HARBI1: variants seen among roughly 807,000 people sequenced by gnomAD.
The protein encoded by HARBI1 is putative nuclease HARBI1.
A neutral mutation model predicts 25.3 loss-of-function variants in HARBI1; 15 were observed. That is an observed-to-expected ratio of 0.59 (90% CI 0.40 to 0.91). The LOEUF is 0.91. HARBI1 is among the 40% of genes least tolerant of loss of function. The pLI is 0.00. For missense variants in HARBI1, 396 were observed against 445.8 expected, an observed-to-expected ratio of 0.89 and a Z score of 1.01; for synonymous variants, 168 against 160.5, an observed-to-expected ratio of 1.05 and a Z score of -0.35.
chr11:46,613,231 C>G (rs908664283), intron 2 of HARBI1, among the ~76,000 whole-genome samples: 4 of 151,894 alleles, frequency 2.6e-5, no homozygotes, highest in African/African-American at 9.7e-5. Flanking sequence ...GGTGATCCAC[C>G]GCCTTGGTCT....
At position 46,608,613 on chromosome 11, in the gene HARBI1, T is replaced by TA. The variant is rs869222318; in HGVS notation, c.671-4705dup. Among the ~76,000 whole-genome samples the TA allele has an allele frequency of 3.4e-3, 514 of 149,984 alleles. 4 individuals carry two copies. Among genetic ancestry groups the TA allele is most frequent in the Non-Finnish European group, 6.2e-3 (417 of 67,456 alleles). Reference sequence around the variant, plus strand: ...GGCACACGCCACCATGCCTGGCAATTAAAAAAAAAATTTTTTTTTTTTTTT... The same window carrying TA: ...GGCACACGCCACCATGCCTGGCAATTAAAAAAAAAAATTTTTTTTTTTTTTT... On this transcript the variant is annotated intron_variant, in intron 2 of 2. Transcript: ENST00000326737.
chr11:46,616,768 T>G, intron 1 of HARBI1: 7 of 970,856 alleles, frequency 7.2e-6, no homozygotes, highest in Non-Finnish European at 8.4e-6. Flanking sequence ...ACTTCTGGTT[T>G]CACCTGACAA....
chr11:46,606,172 C>T (rs555019583), intron 2 of HARBI1, among the ~76,000 whole-genome samples: 5 of 152,210 alleles, frequency 3.3e-5, no homozygotes, highest in African/African-American at 2.4e-5. Flanking sequence ...AGGCGTGAGA[C>T]ACCACGCCCG....
Position 46,604,047 on chromosome 11 carries a change from C to T in HARBI1, c.671-138G>A, listed in dbSNP as rs147178520. The T allele has an allele frequency of 9.3e-6, 13 of 1,399,244 alleles. No individual in the cohort carries two copies. In the African/African-American group the frequency reaches 1.2e-4, roughly 13 times the overall value. The allele number at this position is 1,399,244 out of a possible 1,614,324, so 86.7% of individuals were successfully genotyped here. On this transcript the variant is annotated intron_variant, in intron 2 of 2. Coordinates refer to ENST00000326737, the MANE Select transcript of HARBI1 (RefSeq NM_173811.4). ...GCCAAAGCACACTAGAAAAACCAAG[C>T]GGAAAATGCTATGGTAAAAAGAAAT... is the stretch of plus-strand genomic sequence containing the variant.
Position 46,615,589 on chromosome 11 carries a change from G to A in HARBI1, c.649C>T (p.His217Tyr). ...TTACCCAGAAGCCAGCTATCTTTGT[G>A]CATACCCGCTTCAAACTGACTACTG... The part of the protein sequence containing the change: ...SLSSQFEAGM[H>Y]KDSWLLGDSS... Residue 217 changes from histidine to tyrosine, a missense_variant, in exon 2 of 3, where the codon CAC becomes TAC. His to Tyr is a moderately conservative substitution (Grantham distance 83). Transcript: ENST00000326737. 1 of 1,614,016 alleles carries A rather than the reference G, an allele frequency of 6.2e-7. No individual in the cohort carries two copies. Among genetic ancestry groups the A allele is most frequent in the Non-Finnish European group, 8.5e-7 (1 of 1,179,930 alleles).
Position 46,615,862 on chromosome 11 carries a change from C to T in HARBI1, c.376G>A (p.Ala126Thr). The change falls in exon 2 of 3, where the codon GCC (alanine) becomes ACC (threonine). Residue 126 changes from alanine to threonine, a missense_variant. Ala to Thr is a moderately conservative substitution (Grantham distance 58). Transcript: ENST00000326737. Reference sequence around the variant, plus strand: ...TCATCCTTCAGAGCCTGAATGGAGGCTTCATCAGCTGGAAAGCGAATGAAC... The same window carrying T: ...TCATCCTTCAGAGCCTGAATGGAGGTTTCATCAGCTGGAAAGCGAATGAAC... Reference protein sequence around the residue: ...SQFIRFPADEASIQALKDEFY... With the variant: ...SQFIRFPADETSIQALKDEFY... 6.2e-7 allele frequency: 1 copy of T among 1,614,214 alleles called. No homozygotes were observed. Among genetic ancestry groups the T allele is most frequent in the East Asian group, 2.2e-5 (1 of 44,886 alleles).
In HARBI1 at chr11:46,617,188, C is replaced by T. The variant is rs912060485; in HGVS notation, c.-209G>A. 1.6e-5 allele frequency: 3 copies of T among 185,402 alleles called. No homozygotes were observed. Among genetic ancestry groups the T allele is most frequent in the Non-Finnish European group, 3.0e-5 (3 of 98,454 alleles). 11.5% of individuals were successfully genotyped at this position (185,402 alleles called of 1,614,324 possible). Reference sequence around the variant, plus strand: ...CACCCAGCCGGGTTGGGCCCTCCTCCGGAACCGGCGACTGCACAGAGGCCG... The same window carrying T: ...CACCCAGCCGGGTTGGGCCCTCCTCTGGAACCGGCGACTGCACAGAGGCCG... On this transcript the variant is annotated 5_prime_UTR_variant, in exon 1 of 3. Transcript: ENST00000326737.
At chr11:46,616,688 G>T in intron 1 of HARBI1, 9 of 994,908 alleles carry the variant, frequency 9.0e-6, no homozygotes, top group Non-Finnish European at 1.1e-5. Flanking sequence ...AACTATATAG[G>T]CCAAGAAGCA....
chr11:46,608,070 G>T (rs2045025053), intron 2 of HARBI1, among the ~76,000 whole-genome samples: 1 of 152,108 alleles, frequency 6.6e-6, no homozygotes, highest in Admixed American at 6.6e-5. Flanking sequence ...AGGCCACAGT[G>T]GGTGGATCAC....
At position 46,616,109 on chromosome 11, in the gene HARBI1, C is replaced by T; in HGVS notation, c.129G>A (p.Arg43=). 1 of 1,614,170 alleles carries T rather than the reference C, an allele frequency of 6.2e-7. No individual in the cohort carries two copies. The highest frequency in any genetic ancestry group is 1.3e-5 in the African/African-American group (1 of 75,042). Residue 43 remains arginine, a synonymous_variant, in exon 2 of 3, where the codon CGG becomes CGA. Coordinates refer to ENST00000326737, the MANE Select transcript of HARBI1 (RefSeq NM_173811.4). ...GCTCCACCAAGTAATAAATGAACTG[C>T]CGTGGAAACCCATACATGGACATCA... The part of the protein sequence containing the change: ...EYLMSMYGFP[R]QFIYYLVELL...
Position 46,603,507 on chromosome 11 carries a change from A to AT in HARBI1, c.*22dup. On this transcript the variant is annotated 3_prime_UTR_variant, in exon 3 of 3. Transcript: ENST00000326737. ...AAGTCTGTCACAACTCCTGGGAAGT[A>AT]TCCCTCCTCTCCACCTTCTACATTA... The AT allele has an allele frequency of 6.5e-7, 1 of 1,549,318 alleles. No homozygotes were observed. Among genetic ancestry groups the AT allele is most frequent in the African/African-American group, 1.4e-5 (1 of 73,446 alleles).
rs768871024 is a variant in HARBI1, at chr11:46,603,525, C to G, written c.*5G>C. The G allele has an allele frequency of 6.4e-7, 1 of 1,572,930 alleles. No individual in the cohort carries two copies. ...GGGAAGTATCCCTCCTCTCCACCTTCTACATTAGCTAAAATGAGTGAGCAT... is the reference window on the plus strand; with the variant it reads ...GGGAAGTATCCCTCCTCTCCACCTTGTACATTAGCTAAAATGAGTGAGCAT... On this transcript the variant is annotated 3_prime_UTR_variant, in exon 3 of 3. Coordinates refer to ENST00000326737, the MANE Select transcript of HARBI1 (RefSeq NM_173811.4).
At chr11:46,604,021 C>T (rs532071891) in intron 2 of HARBI1, 112 bp from the exon 3 acceptor site, 19 of 1,429,802 alleles carry the variant, frequency 1.3e-5, no homozygotes, top group South Asian at 6.2e-5. Flanking sequence ...CAGCCTCTGG[C>T]GCCAAAGCAC....
At chr11:46,606,593 C>CCCAG (rs2044963703) in intron 2 of HARBI1, among the ~76,000 whole-genome samples, 1 of 152,148 alleles carries the variant, frequency 6.6e-6, no homozygotes, top group Non-Finnish European at 1.5e-5. Flanking sequence ...GGATTACAAT[C>CCCAG]GTGAGCCACC....
At chr11:46,611,259 G>A (rs112282219) in intron 2 of HARBI1, among the ~76,000 whole-genome samples, 4,006 of 151,986 alleles carry the variant, frequency 0.026, 81 homozygotes, top group Non-Finnish European at 0.041. Flanking sequence ...CGCCCACCTC[G>A]GCCTCCCAAA....
intron 1 of HARBI1, chr11:46,616,831 CAA>C (rs749013239): frequency 0.023 from 13,755 of 602,406 alleles, 2 homozygotes; most frequent in African/African-American, 0.035. Context: ...AAAGAAGGGG[CAA>C]AAAAAAAAAA....
At position 46,615,780 on chromosome 11, in the gene HARBI1, A is replaced by G; in HGVS notation, c.458T>C (p.Val153Ala). 1 of 1,614,214 alleles carries G rather than the reference A, an allele frequency of 6.2e-7. No homozygotes were observed. Among genetic ancestry groups the G allele is most frequent in the Non-Finnish European group, 8.5e-7 (1 of 1,180,036 alleles). ...GVMGVVDCIH[V>A]AIKAPNAEDL... ...TTCAGCATTTGGTGCCTTGATGGCCACATGGATACAGTCAACCACCCCCAT... is the reference window on the plus strand; with the variant it reads ...TTCAGCATTTGGTGCCTTGATGGCCGCATGGATACAGTCAACCACCCCCAT... The change falls in exon 2 of 3, where the codon GTG (valine) becomes GCG (alanine). Residue 153 changes from valine to alanine, a missense_variant. Val to Ala is a moderately conservative substitution (Grantham distance 64). Transcript: ENST00000326737.
chr11:46,603,370 T>C lies in HARBI1; in HGVS notation c.*160A>G. ...CATATGCAAATGAATCAAGATATTC[T>C]GGCATAGCCCCAACCTTACCAAAAC... is the stretch of plus-strand genomic sequence containing the variant. On this transcript the variant is annotated 3_prime_UTR_variant, in exon 3 of 3. Transcript: ENST00000326737. The C allele has an allele frequency of 1.1e-5, 7 of 654,954 alleles. No homozygotes were observed. Among genetic ancestry groups the C allele is most frequent in the Non-Finnish European group, 1.8e-5 (7 of 388,352 alleles). 40.6% of individuals were successfully genotyped at this position (654,954 alleles called of 1,614,324 possible).
upstream of HARBI1, chr11:46,617,547 C>CT (rs544558426): frequency 1.6e-5 from 4 of 243,864 alleles, no homozygotes; most frequent in Non-Finnish European, 3.0e-5. Flanking sequence ...TTCACCCCCC[C>CT]CCCCCGGCCA....
Sources: allele counts gnomAD v4.1 joint callset (sites outside exome capture counted in the v4.1 genomes callset), GRCh38; gene constraint gnomAD v4.1.1; transcripts MANE v1.5; gene names NCBI Gene and HGNC (gene_info 2026-07-23, HGNC 2026-07-21).